Variants in HTR2C observed in about 807,000 individuals in gnomAD.
HTR2C encodes the protein 5-hydroxytryptamine receptor 2C, also known as 5-hydroxytryptamine (serotonin) receptor 2C, G protein-coupled.
Under a neutral mutation model 21.0 loss-of-function variants are expected in HTR2C, and 5 were observed. That is an observed-to-expected ratio of 0.24 (90% CI 0.12 to 0.50). The LOEUF is 0.50. Ranked by LOEUF, HTR2C falls within the 20% of genes least tolerant of loss-of-function variation. HTR2C has a pLI of 0.98. For missense variants in HTR2C, 271 were observed against 371.2 expected (o/e 0.73, Z 2.22); for synonymous variants, 150 against 145.3 (o/e 1.03, Z -0.23).
intron 1 of HTR2C, among the ~76,000 whole-genome samples, chrX:114,604,515 A>G (rs1191008984): frequency 5.5e-5 from 6 of 109,998 alleles, no homozygotes; most frequent in East Asian, 5.7e-4. Context: ...GAAGCTCGGC[A>G]TCTGTGATGG....
At chrX:114,834,969 T>G (rs1331007119) in intron 4 of HTR2C, among the ~76,000 whole-genome samples, 4 of 102,784 alleles carry the variant, frequency 3.9e-5, no homozygotes, top group Non-Finnish European at 8.0e-5. Context: ...TTATGAAGCT[T>G]AATTTGGCTG....
chrX:114,624,428 C>T (rs1486597497), intron 2 of HTR2C, among the ~76,000 whole-genome samples: 6 of 111,863 alleles, frequency 5.4e-5, no homozygotes, highest in African/African-American at 1.9e-4. Flanking sequence ...GATATAAAAG[C>T]ACAAATGAAT....
At chrX:114,604,163 A>G (rs1419792759) in intron 1 of HTR2C, among the ~76,000 whole-genome samples, 2 of 108,983 alleles carry the variant, frequency 1.8e-5, no homozygotes, top group African/African-American at 3.3e-5. Context: ...GGGGGATACA[A>G]GAGGAGGACG....
At chrX:114,702,014 AG>A (rs1932529439) in intron 2 of HTR2C, among the ~76,000 whole-genome samples, 1 of 109,858 alleles carries the variant, frequency 9.1e-6, no homozygotes, top group Non-Finnish European at 1.9e-5. Flanking sequence ...TAGAGAAAAA[AG>A]AATAAAGAGA....
chrX:114,735,896 A>G (rs2069585194), intron 4 of HTR2C, among the ~76,000 whole-genome samples: 1 of 111,035 alleles, frequency 9.0e-6, no homozygotes, highest in South Asian at 3.8e-4. Context: ...GCAGATCACG[A>G]GGTCAGGAGA....
chrX:114,591,899 G>A (rs17326429), intron 1 of HTR2C, among the ~76,000 whole-genome samples: 14,048 of 111,134 alleles, frequency 0.13, 756 homozygotes, highest in South Asian at 0.27. Context: ...TGCAATTTAT[G>A]GTATAGGCAA....
At chrX:114,643,246 C>G (rs782808858) in intron 2 of HTR2C, among the ~76,000 whole-genome samples, 1 of 102,886 alleles carries the variant, frequency 9.7e-6, no homozygotes, top group African/African-American at 3.5e-5. Context: ...TTTGCCATTA[C>G]TTTTTTTTTT....
intron 5 of HTR2C, among the ~76,000 whole-genome samples, chrX:114,877,960 C>T (rs1309334242): frequency 9.0e-6 from 1 of 110,742 alleles, no homozygotes; most frequent in Non-Finnish European, 1.9e-5. Flanking sequence ...CTGTATCTCT[C>T]TGTTAGATGC....
At position 114,641,571 on chromosome X, in the gene HTR2C, A is replaced by G. The variant is rs1602657408; in HGVS notation, c.-80+27690A>G. Among the ~76,000 whole-genome samples the G allele has an allele frequency of 2.7e-5, 3 of 111,879 alleles. No individual in the cohort carries two copies. In the East Asian group the frequency reaches 8.4e-4, roughly 31 times the overall value. ...CTTGGCTAGGTTCAAGTGGTCATCC[A>G]TATAAGATCAACAAGGGATAAGTTG... On this transcript the variant is annotated intron_variant, in intron 2 of 5. Transcript: ENST00000276198.
intron 4 of HTR2C, among the ~76,000 whole-genome samples, chrX:114,772,070 AG>A (rs2070009859): frequency 8.9e-6 from 1 of 112,017 alleles, no homozygotes; most frequent in Admixed American, 9.5e-5. Context: ...ACTGAAGTTC[AG>A]TAGACTGTTT....
chrX:114,750,037 C>A (rs1569490859), intron 4 of HTR2C, among the ~76,000 whole-genome samples: 1 of 111,651 alleles, frequency 9.0e-6, no homozygotes, highest in Non-Finnish European at 1.9e-5. Context: ...GCTCAGATCA[C>A]ACCCATTTTC....
chrX:114,669,615 G>C (rs1931296977), intron 2 of HTR2C, among the ~76,000 whole-genome samples: 1 of 111,165 alleles, frequency 9.0e-6, no homozygotes, highest in Non-Finnish European at 1.9e-5. Context: ...AAATCACTTG[G>C]ACCAGGGAGT....
chrX:114,873,741 C>A (rs1301055072), intron 5 of HTR2C, among the ~76,000 whole-genome samples: 2 of 111,487 alleles, frequency 1.8e-5, no homozygotes, highest in East Asian at 2.8e-4. Context: ...ATGATTACCA[C>A]AATCAAGCTA....
intron 4 of HTR2C, among the ~76,000 whole-genome samples, chrX:114,764,922 TCTTTTCCTTCCTTCC>T (rs1237047882): frequency 1.3e-4 from 4 of 29,988 alleles, no homozygotes; most frequent in Admixed American, 5.1e-4. Context: ...TTTCTTTCTT[TCTTTTCCTTCCTTCC>T]TTCCTTCCTT....
chrX:114,821,336 G>A (rs1350486619), intron 4 of HTR2C, among the ~76,000 whole-genome samples: 1 of 111,457 alleles, frequency 9.0e-6, no homozygotes, highest in Non-Finnish European at 1.9e-5. Flanking sequence ...AAGCATGATT[G>A]CTACATGATG....
At chrX:114,691,483 A>G (rs1385095433) in intron 2 of HTR2C, among the ~76,000 whole-genome samples, 1 of 111,999 alleles carries the variant, frequency 8.9e-6, no homozygotes, top group African/African-American at 3.2e-5. Context: ...TTGACTCTCT[A>G]TCTTTGACAA....
chrX:114,806,522 A>G (rs1235853546), intron 4 of HTR2C, among the ~76,000 whole-genome samples: 1 of 93,516 alleles, frequency 1.1e-5, no homozygotes, highest in Non-Finnish European at 2.1e-5. Context: ...TACACCACAT[A>G]TATACACCAT....
intron 4 of HTR2C, among the ~76,000 whole-genome samples, chrX:114,738,832 A>T: frequency 9.0e-6 from 1 of 110,588 alleles, no homozygotes; most frequent in East Asian, 2.8e-4. Context: ...ACACACCATG[A>T]CCAACTGGGT....
intron 4 of HTR2C, among the ~76,000 whole-genome samples, chrX:114,795,722 A>G (rs2070286122): frequency 9.0e-6 from 1 of 111,434 alleles, no homozygotes; most frequent in African/African-American, 3.3e-5. Flanking sequence ...CCATTGGTCT[A>G]TATCTCTGTT....
Sources: gnomAD v4.1 joint callset for allele counts (sites outside exome capture counted in the v4.1 genomes callset) on GRCh38, gnomAD v4.1.1 for gene constraint, MANE v1.5 for transcripts, NCBI Gene and HGNC (gene_info 2026-07-23, HGNC 2026-07-21) for gene names.